Variants in MECOM observed in about 807,000 individuals in gnomAD.
The protein encoded by MECOM is MDS1 and EVI1 complex locus.
MECOM carries 13 observed loss-of-function variants against 116.3 expected under a neutral mutation model. That is an observed-to-expected ratio of 0.11 (90% CI 0.07 to 0.18). The LOEUF (loss-of-function observed/expected upper bound fraction) is 0.18, where lower values mean the gene tolerates loss of function less well. Among genes scored for constraint, MECOM ranks in the 10% least tolerant of loss-of-function variants. The probability of loss-of-function intolerance (pLI) is 1.00; values close to 1 mark genes in which losing one functional copy is unlikely to be tolerated. For missense variants in MECOM, 1,299 were observed against 1,509.0 expected (o/e 0.86, Z 2.31); for synonymous variants, 528 against 535.2 (o/e 0.99, Z 0.19).
intron 1 of MECOM, among the ~76,000 whole-genome samples, chr3:169,512,479 C>G: frequency 6.6e-6 from 1 of 152,196 alleles, no homozygotes; most frequent in Non-Finnish European, 1.5e-5. Flanking sequence ...CCTCCAGGGT[C>G]CTTCTCCCAG....
intron 1 of MECOM, among the ~76,000 whole-genome samples, chr3:169,489,065 A>G (rs1752759440): frequency 6.6e-6 from 1 of 152,166 alleles, no homozygotes; most frequent in South Asian, 2.1e-4. Context: ...CAGATACACA[A>G]GAGATTTTTA....
intron 16 of MECOM, 110 bp from the exon 17 acceptor site, chr3:169,085,153 C>T: frequency 7.5e-7 from 1 of 1,329,060 alleles, no homozygotes; most frequent in Non-Finnish European, 1.1e-6. Flanking sequence ...GTAGGGGCAT[C>T]CTTCATGGGT....
At chr3:169,246,990 C>T (rs1755663292) in intron 2 of MECOM, among the ~76,000 whole-genome samples, 1 of 152,112 alleles carries the variant, frequency 6.6e-6, no homozygotes, top group African/African-American at 2.4e-5. Context: ...AATTCTCTGG[C>T]AATAGCCTAT....
At chr3:169,152,997 A>C (rs1182780913) in intron 2 of MECOM, among the ~76,000 whole-genome samples, 1 of 152,144 alleles carries the variant, frequency 6.6e-6, no homozygotes, top group Non-Finnish European at 1.5e-5. Flanking sequence ...TTATACTCAA[A>C]GTTTTATTTT....
At chr3:169,655,463 T>C (rs1302882089) in intron 1 of MECOM, among the ~76,000 whole-genome samples, 1 of 152,164 alleles carries the variant, frequency 6.6e-6, no homozygotes, top group South Asian at 2.1e-4. Context: ...TAATGATAAC[T>C]AGAGAGTATG....
intron 2 of MECOM, among the ~76,000 whole-genome samples, chr3:169,294,740 A>G (rs996035383): frequency 1.3e-5 from 2 of 152,198 alleles, no homozygotes; most frequent in African/African-American, 4.8e-5. Flanking sequence ...AGTTCAGTCA[A>G]TCATTGACTC....
At chr3:169,293,088 A>G (rs548927833) in intron 2 of MECOM, among the ~76,000 whole-genome samples, 1 of 152,280 alleles carries the variant, frequency 6.6e-6, no homozygotes, top group East Asian at 1.9e-4. Flanking sequence ...GGTGGCTGAC[A>G]TTTGTCTTTT....
chr3:169,529,382 C>T (rs1560396736), intron 1 of MECOM, among the ~76,000 whole-genome samples: 1 of 152,220 alleles, frequency 6.6e-6, no homozygotes, highest in Non-Finnish European at 1.5e-5. Context: ...TTCCCCTATT[C>T]TTCCAGAGCA....
intron 1 of MECOM, among the ~76,000 whole-genome samples, chr3:169,610,715 C>T (rs1769159755): frequency 6.6e-6 from 1 of 152,176 alleles, no homozygotes; most frequent in African/African-American, 2.4e-5. Context: ...CTGCCTTTCT[C>T]ATCCACATAA....
chr3:169,310,730 C>T (rs548795025), intron 2 of MECOM, among the ~76,000 whole-genome samples: 5 of 152,228 alleles, frequency 3.3e-5, no homozygotes, highest in African/African-American at 1.2e-4. Context: ...ATGTGCACAC[C>T]ACACACACAT....
chr3:169,662,658 G>C (rs1167849743), intron 1 of MECOM, among the ~76,000 whole-genome samples: 1 of 150,134 alleles, frequency 6.7e-6, no homozygotes, highest in Non-Finnish European at 1.5e-5. Context: ...CGCCGCGCCG[G>C]AGAGCATGGC....
intron 2 of MECOM, among the ~76,000 whole-genome samples, chr3:169,168,231 T>C (rs1298190480): frequency 1.3e-5 from 2 of 152,112 alleles, no homozygotes; most frequent in Non-Finnish European, 2.9e-5. Flanking sequence ...TATTTGTTTT[T>C]AGAGACAGGG....
At chr3:169,270,547 T>G (rs1269382805) in intron 2 of MECOM, among the ~76,000 whole-genome samples, 1 of 152,082 alleles carries the variant, frequency 6.6e-6, no homozygotes, top group Non-Finnish European at 1.5e-5. Context: ...TATAACCCTT[T>G]CAGAAAGCAA....
intron 2 of MECOM, among the ~76,000 whole-genome samples, chr3:169,270,645 T>G (rs932281818): frequency 1.3e-5 from 2 of 152,138 alleles, no homozygotes; most frequent in Non-Finnish European, 2.9e-5. Context: ...TAAATACATA[T>G]CAACAATAGG....
intron 2 of MECOM, among the ~76,000 whole-genome samples, chr3:169,244,207 A>G (rs776143291): frequency 2.0e-5 from 3 of 152,216 alleles, no homozygotes; most frequent in Non-Finnish European, 4.4e-5. Flanking sequence ...AAAACATTTC[A>G]CCCACAGGCA....
chr3:169,654,813 A>ACAC (rs1775335053), intron 1 of MECOM, among the ~76,000 whole-genome samples: 3 of 147,988 alleles, frequency 2.0e-5, no homozygotes, highest in Admixed American at 2.0e-4. Flanking sequence ...CACCTATCAA[A>ACAC]ACACACACAC....
At chr3:169,389,301 A>G (rs1733872749) in intron 1 of MECOM, among the ~76,000 whole-genome samples, 2 of 152,252 alleles carry the variant, frequency 1.3e-5, no homozygotes, top group South Asian at 4.1e-4. Flanking sequence ...GCCATTTGGT[A>G]TCTAGTTACT....
rs80155210 is a variant in MECOM, at chr3:169,582,694, G to A, written c.37+80642C>T. Among the ~76,000 whole-genome samples, 600 of 152,250 alleles carry A rather than the reference G, an allele frequency of 3.9e-3. 6 individuals are homozygous for A. Among genetic ancestry groups the A allele is most frequent in the African/African-American group, 0.014 (572 of 41,532 alleles). On this transcript the variant is annotated intron_variant, in intron 1 of 16. Coordinates refer to ENST00000651503, the MANE Select transcript of MECOM (RefSeq NM_004991.4). Reference sequence around the variant, plus strand: ...TTCCTGATGTTTCATCCTTTCACCTGTAGCTAAAAACACCTTCAGAGAAGG... The same window carrying A: ...TTCCTGATGTTTCATCCTTTCACCTATAGCTAAAAACACCTTCAGAGAAGG...
chr3:169,578,985 A>C (rs969099980), intron 1 of MECOM, among the ~76,000 whole-genome samples: 11 of 152,212 alleles, frequency 7.2e-5, no homozygotes, highest in African/African-American at 2.7e-4. Flanking sequence ...TTTTTCCCAT[A>C]ATGTTTGATA....
Sources: gnomAD v4.1 joint callset for allele counts (sites outside exome capture counted in the v4.1 genomes callset) on GRCh38, gnomAD v4.1.1 for gene constraint, MANE v1.5 for transcripts, NCBI Gene and HGNC (gene_info 2026-07-23, HGNC 2026-07-21) for gene names.